Variants in INVS observed in about 807,000 individuals in gnomAD.
INVS encodes the protein inversin, also known as inversion of embryo turning homolog.
Under a neutral mutation model 108.8 loss-of-function variants are expected in INVS, and 86 were observed. That is an observed-to-expected ratio of 0.79 (90% CI 0.66 to 0.95). The LOEUF (loss-of-function observed/expected upper bound fraction) is 0.95. Among genes scored for constraint, INVS ranks in the 40% least tolerant of loss-of-function variants. The pLI, the probability that INVS is intolerant of heterozygous loss-of-function variation, is 0.00. For missense variants in INVS, 1,169 were observed against 1,297.4 expected (o/e 0.90, Z 1.52); for synonymous variants, 455 against 473.5 (o/e 0.96, Z 0.51).
intron 3 of INVS, among the ~76,000 whole-genome samples, chr9:100,165,123 GTATT>G (rs949086916): frequency 3.3e-5 from 5 of 151,302 alleles, no homozygotes; most frequent in Admixed American, 3.3e-4. Context: ...ATTTTTATGG[GTATT>G]TAGTAGGTAT....
At chr9:100,103,001 C>G (rs901785071) in intron 1 of INVS, among the ~76,000 whole-genome samples, 1 of 151,962 alleles carries the variant, frequency 6.6e-6, no homozygotes, top group African/African-American at 2.4e-5. Flanking sequence ...TATGGGCACG[C>G]GCCACCACGC....
At chr9:100,115,859 A>G (rs1486756499) in intron 2 of INVS, among the ~76,000 whole-genome samples, 12 of 152,210 alleles carry the variant, frequency 7.9e-5, no homozygotes, top group Non-Finnish European at 1.3e-4. Flanking sequence ...TAGATCCCTC[A>G]GGAATCGCCA....
intron 2 of INVS, among the ~76,000 whole-genome samples, chr9:100,122,670 G>A (rs574304818): frequency 2.3e-5 from 3 of 130,166 alleles, no homozygotes; most frequent in Middle Eastern, 4.7e-3. Flanking sequence ...TGCAAGCTCC[G>A]TCTCCCGGGT....
intron 3 of INVS, among the ~76,000 whole-genome samples, chr9:100,207,499 G>A (rs1218602926): frequency 1.3e-5 from 2 of 151,918 alleles, no homozygotes; most frequent in Non-Finnish European, 2.9e-5. Context: ...CGTCGTGTTG[G>A]CCAGGCTAAT....
At chr9:100,103,686 G>A (rs1827083491) in intron 1 of INVS, among the ~76,000 whole-genome samples, 1 of 147,238 alleles carries the variant, frequency 6.8e-6, no homozygotes, top group Non-Finnish European at 1.5e-5. Context: ...AGAGGCGAGG[G>A]GAGGGGAGGG....
intron 12 of INVS, among the ~76,000 whole-genome samples, chr9:100,274,899 A>C (rs1372444505): frequency 2.6e-5 from 4 of 152,210 alleles, no homozygotes; most frequent in Non-Finnish European, 5.9e-5. Flanking sequence ...CTTACCCACA[A>C]GGGGGAAGCA....
At chr9:100,298,391 C>T (rs1439360868) in intron 16 of INVS, 7 of 899,254 alleles carry the variant, frequency 7.8e-6, no homozygotes, top group Non-Finnish European at 9.3e-6. Context: ...GGAAGAACAC[C>T]ATGAAGAGAA....
At chr9:100,141,992 G>A (rs1049192060) in intron 3 of INVS, among the ~76,000 whole-genome samples, 10 of 152,176 alleles carry the variant, frequency 6.6e-5, no homozygotes, top group African/African-American at 2.4e-4. Context: ...GGGAGTGACT[G>A]ACGTGAAGGA....
chr9:100,277,755 C>G (rs1343888427), intron 12 of INVS, among the ~76,000 whole-genome samples: 1 of 152,104 alleles, frequency 6.6e-6, no homozygotes, highest in African/African-American at 2.4e-5. Flanking sequence ...AGTTAAAGAT[C>G]AACTATTTCT....
intron 3 of INVS, among the ~76,000 whole-genome samples, chr9:100,154,549 G>A (rs1477794201): frequency 6.6e-6 from 1 of 151,668 alleles, no homozygotes; most frequent in Non-Finnish European, 1.5e-5. Flanking sequence ...GCATCTGTAA[G>A]AAGTAATGAG....
chr9:100,184,389 A>G (rs1050377064), intron 3 of INVS, among the ~76,000 whole-genome samples: 43 of 152,224 alleles, frequency 2.8e-4, no homozygotes, highest in Non-Finnish European at 3.2e-4. Flanking sequence ...CTGGAAAACC[A>G]TGCAGATCAC....
chr9:100,182,335 A>C (rs1237812186), intron 3 of INVS, among the ~76,000 whole-genome samples: 5 of 152,210 alleles, frequency 3.3e-5, no homozygotes, highest in Non-Finnish European at 2.9e-5. Flanking sequence ...GGCAACCTAT[A>C]AAATGGGAGG....
intron 8 of INVS, among the ~76,000 whole-genome samples, chr9:100,247,216 CT>C (rs1214551019): frequency 6.6e-6 from 1 of 152,158 alleles, no homozygotes; most frequent in Non-Finnish European, 1.5e-5. Flanking sequence ...TTACTGTGCT[CT>C]TTTCTCAGTT....
chr9:100,113,073 AC>A (rs1183047961), intron 2 of INVS, among the ~76,000 whole-genome samples: 1 of 152,230 alleles, frequency 6.6e-6, no homozygotes, highest in Non-Finnish European at 1.5e-5. Flanking sequence ...CTCCAGAAGG[AC>A]TCAAACTGAT....
rs1336598061 is a variant in INVS at position 100,253,130 on chromosome 9, CAA to C, written c.1460_1461del (p.Lys487ArgfsTer16). 1 of 1,610,138 alleles carries C rather than the reference CAA, an allele frequency of 6.2e-7. No homozygotes were observed. Among genetic ancestry groups the C allele is most frequent in the African/African-American group, 1.3e-5 (1 of 74,960 alleles). The stretch of plus-strand genomic sequence containing the variant: ...ACAATGCAGACCCTAACATTCAAGA[CAA>C]AGAGGTAGAAATTCTGTCTTTTCTA... Reference protein sequence around the residue: ...ENNADPNIQDKEGRTALHWSC... With the variant: ...ENNADPNIQDXEGRTALHWSC... On this transcript the variant is annotated frameshift_variant, in exon 10 of 17. Coordinates refer to ENST00000262457, the MANE Select transcript of INVS (RefSeq NM_014425.5). LOFTEE classifies it high-confidence loss of function.
At chr9:100,130,993 T>G (rs1828040005) in intron 3 of INVS, 1 of 152,190 alleles carries the variant, frequency 6.6e-6, no homozygotes, top group Non-Finnish European at 1.5e-5. Flanking sequence ...CATTATTTAT[T>G]ATGTTTCTAG....
At chr9:100,198,057 A>G (rs1047685270) in intron 3 of INVS, among the ~76,000 whole-genome samples, 3 of 152,156 alleles carry the variant, frequency 2.0e-5, no homozygotes, top group Non-Finnish European at 4.4e-5. Flanking sequence ...CTATGTCTAT[A>G]TCTATATCAC....
At chr9:100,209,959 A>G (rs987343953) in intron 3 of INVS, among the ~76,000 whole-genome samples, 1 of 151,704 alleles carries the variant, frequency 6.6e-6, no homozygotes, top group African/African-American at 2.4e-5. Flanking sequence ...CATTCTAGTC[A>G]CCTCTTTTTC....
At chr9:100,275,643 G>A (rs1043507021) in intron 12 of INVS, among the ~76,000 whole-genome samples, 7 of 152,108 alleles carry the variant, frequency 4.6e-5, no homozygotes, top group Non-Finnish European at 8.8e-5. Flanking sequence ...ATGTCACCTC[G>A]GTGTACCTTT....
Sources: allele counts gnomAD v4.1 joint callset (sites outside exome capture counted in the v4.1 genomes callset), GRCh38; gene constraint gnomAD v4.1.1; transcripts MANE v1.5; gene names NCBI Gene and HGNC (gene_info 2026-07-23, HGNC 2026-07-21).